MYT1L: variants seen among roughly 807,000 people sequenced by gnomAD.
MYT1L encodes the protein myelin transcription factor 1 like.
A neutral mutation model predicts 126.7 loss-of-function variants in MYT1L; 12 were observed. The observed-to-expected ratio is 0.09, with a 90% CI of 0.06 to 0.15. The LOEUF (loss-of-function observed/expected upper bound fraction) is 0.15. MYT1L is among the 10% of genes least tolerant of loss of function. The pLI, the probability that MYT1L is intolerant of heterozygous loss-of-function variation, is 1.00. For missense variants in MYT1L, 979 were observed against 1,585.2 expected (o/e 0.62, Z 6.49); for synonymous variants, 541 against 604.2 (o/e 0.90, Z 1.53).
chr2:1,876,429 C>A (rs1397487402), intron 18 of MYT1L, among the ~76,000 whole-genome samples: 1 of 152,118 alleles, frequency 6.6e-6, no homozygotes, highest in Non-Finnish European at 1.5e-5. Context: ...AGCACCCCCA[C>A]ACATGCACGA....
intron 19 of MYT1L, among the ~76,000 whole-genome samples, chr2:1,843,349 G>A (rs1007041593): frequency 6.6e-6 from 1 of 152,196 alleles, no homozygotes; most frequent in Non-Finnish European, 1.5e-5. Flanking sequence ...TGCACAGAGC[G>A]GGTCATTCAA....
At chr2:2,207,504 T>G (rs2093360907) in intron 2 of MYT1L, among the ~76,000 whole-genome samples, 1 of 152,220 alleles carries the variant, frequency 6.6e-6, no homozygotes, top group African/African-American at 2.4e-5. Flanking sequence ...TCGTGACATC[T>G]GTTTTAAGTG....
At chr2:2,220,101 A>G (rs979697484) in intron 2 of MYT1L, among the ~76,000 whole-genome samples, 2 of 152,138 alleles carry the variant, frequency 1.3e-5, no homozygotes, top group African/African-American at 4.8e-5. Flanking sequence ...TCTGTCCACG[A>G]AAAGAGTCTA....
intron 3 of MYT1L, among the ~76,000 whole-genome samples, chr2:2,154,186 G>A (rs560651999): frequency 4.6e-5 from 7 of 152,148 alleles, no homozygotes; most frequent in Non-Finnish European, 4.4e-5. Flanking sequence ...GCCCAATGAC[G>A]CTGGGGAGGA....
In MYT1L at chr2:2,202,641, AC is replaced by A. The variant is rs1358606808; in HGVS notation, c.-420-29654del. Among the ~76,000 whole-genome samples, 14 of 152,318 alleles carry A rather than the reference AC, an allele frequency of 9.2e-5. No homozygotes were observed. The East Asian group carries it at 2.7e-3, about 29-fold the overall frequency. The stretch of plus-strand genomic sequence containing the variant: ...TGAGGCAATAATTAATAGCTTACCA[AC>A]CAAAAAATGTTCAGGACCAGATGGA... On this transcript the variant is annotated intron_variant, in intron 2 of 24. Transcript: ENST00000647738.
rs183447155 is a variant in MYT1L at position 2,228,666 on chromosome 2, A to G, written c.-420-55678T>C. 6.6e-6 allele frequency among the ~76,000 whole-genome samples: 1 copy of G among 152,330 alleles called. No homozygotes were observed. The highest frequency in any genetic ancestry group is 2.4e-5 in the African/African-American group (1 of 41,574). ...CTTTGTCTATAAAACATTAAAATAG[A>G]ACCATTTATATAACTTAGCAGGTAT... On this transcript the variant is annotated intron_variant, in intron 2 of 24. Coordinates refer to ENST00000647738, the MANE Select transcript of MYT1L (RefSeq NM_001303052.2). The surrounding 1 kb of genome is among the most constrained non-coding windows in gnomAD (Gnocchi z 5.9).
chr2:2,286,270 C>A (rs1290382037), intron 1 of MYT1L, among the ~76,000 whole-genome samples: 1 of 152,110 alleles, frequency 6.6e-6, no homozygotes, highest in Admixed American at 6.6e-5. Context: ...CATGGGATTA[C>A]CACACCCGGC....
chr2:1,819,960 A>C (rs750849871), intron 21 of MYT1L, among the ~76,000 whole-genome samples: 1 of 152,034 alleles, frequency 6.6e-6, no homozygotes, highest in Non-Finnish European at 1.5e-5. Flanking sequence ...TGGCAACCAC[A>C]CAGTAGAGTT....
chr2:1,810,180 G>A (rs1257438150), intron 21 of MYT1L: 1 of 148,540 alleles, frequency 6.7e-6, no homozygotes, highest in African/African-American at 2.5e-5. Flanking sequence ...AGGCTGGAGT[G>A]CAGTGGCCCG....
At chr2:2,123,525 G>GC (rs2081311570) in intron 3 of MYT1L, among the ~76,000 whole-genome samples, 1 of 152,064 alleles carries the variant, frequency 6.6e-6, no homozygotes, top group South Asian at 2.1e-4. Context: ...CTGAGTTCTC[G>GC]CAAGACCTGG....
chr2:2,023,694 C>T (rs1281202621), intron 4 of MYT1L, among the ~76,000 whole-genome samples: 6 of 151,894 alleles, frequency 4.0e-5, no homozygotes, highest in Admixed American at 6.6e-5. Context: ...GGCTGTCTAG[C>T]GAGTCTTCCT....
chr2:1,837,023 C>T (rs1050827605), intron 21 of MYT1L, among the ~76,000 whole-genome samples: 4 of 152,178 alleles, frequency 2.6e-5, no homozygotes, highest in African/African-American at 9.6e-5. Context: ...TTGTGCCTGG[C>T]ATTTGGGAAG....
intron 14 of MYT1L, among the ~76,000 whole-genome samples, chr2:1,897,861 A>G (rs1054405285): frequency 6.6e-6 from 1 of 152,202 alleles, no homozygotes; most frequent in Non-Finnish European, 1.5e-5. Context: ...TGTTACGAGC[A>G]ATGCAGCAGC....
intron 3 of MYT1L, among the ~76,000 whole-genome samples, chr2:2,139,307 C>T (rs1057427900): frequency 2.0e-5 from 3 of 151,986 alleles, no homozygotes; most frequent in African/African-American, 7.3e-5. Context: ...GTGAAGAATG[C>T]AGGTGAGTTA....
chr2:2,074,055 A>G (rs1179303400), intron 3 of MYT1L, among the ~76,000 whole-genome samples: 3 of 152,228 alleles, frequency 2.0e-5, no homozygotes, highest in Non-Finnish European at 2.9e-5. Context: ...AAATCATTCA[A>G]TGAATGTTTA....
At chr2:1,967,387 G>A (rs2059447831) in intron 8 of MYT1L, among the ~76,000 whole-genome samples, 1 of 152,174 alleles carries the variant, frequency 6.6e-6, no homozygotes, top group Non-Finnish European at 1.5e-5. Context: ...AGAGTTCCCT[G>A]CATTTGGGGA....
chr2:2,026,435 A>G (rs1350488085), intron 4 of MYT1L, among the ~76,000 whole-genome samples: 1 of 152,150 alleles, frequency 6.6e-6, no homozygotes, highest in Non-Finnish European at 1.5e-5. Flanking sequence ...GGATTCTAGC[A>G]GGGGTGGCCC....
intron 3 of MYT1L, among the ~76,000 whole-genome samples, chr2:2,065,842 A>G (rs945099143): frequency 1.3e-4 from 18 of 136,430 alleles, no homozygotes; most frequent in African/African-American, 4.7e-4. Context: ...ACACACACAC[A>G]CACACGCACA....
In MYT1L at chr2:2,080,264, C is replaced by T. The variant is rs369642569; in HGVS notation, c.-303-26141G>A. ...GTCTTTGTGTCCTTGGGTTAGGTGACGGCATCTTAAATACACCACCAAAAA... is the reference window on the plus strand; with the variant it reads ...GTCTTTGTGTCCTTGGGTTAGGTGATGGCATCTTAAATACACCACCAAAAA... On this transcript the variant is annotated intron_variant, in intron 3 of 24. Transcript: ENST00000647738. Among the ~76,000 whole-genome samples the T allele has an allele frequency of 1.7e-4, 26 of 151,840 alleles. No individual in the cohort carries two copies. The East Asian group carries it at 1.7e-3, about 10-fold the overall frequency.
Sources: gnomAD v4.1 joint callset for allele counts (sites outside exome capture counted in the v4.1 genomes callset) on GRCh38, gnomAD v4.1.1 for gene constraint, Gnocchi (gnomAD v3.1) non-coding constraint, MANE v1.5 for transcripts, NCBI Gene and HGNC (gene_info 2026-07-23, HGNC 2026-07-21) for gene names.